The following SORCS2 variants were observed in gnomAD, a reference collection of about 807,000 sequenced individuals.
SORCS2 encodes sortilin related VPS10 domain containing receptor 2.
A neutral mutation model predicts 141.6 loss-of-function variants in SORCS2; 100 were observed. The observed-to-expected ratio is 0.71, with a 90% CI of 0.60 to 0.83. SORCS2 has a LOEUF of 0.83. SORCS2 is among the 40% of genes least tolerant of loss of function. The pLI, the probability that SORCS2 is intolerant of heterozygous loss-of-function variation, is 0.00. For missense variants in SORCS2, 1,646 were observed against 1,560.2 expected (o/e 1.05, Z -0.93); for synonymous variants, 789 against 676.9 (o/e 1.17, Z -2.57).
chr4:7,490,997 T>C (rs1577651362), intron 2 of SORCS2, among the ~76,000 whole-genome samples: 1 of 152,072 alleles, frequency 6.6e-6, no homozygotes, highest in African/African-American at 2.4e-5. Flanking sequence ...GTCTCGCCCC[T>C]CCTCTCTGTC....
intron 3 of SORCS2, among the ~76,000 whole-genome samples, chr4:7,539,680 A>ACCCCCGTTATGGAGGCGCCGC: frequency 7.4e-6 from 1 of 134,300 alleles, no homozygotes; most frequent in East Asian, 2.4e-4. Flanking sequence ...CAAGGCCCCG[A>ACCCCCGTTATGGAGGCGCCGC]CCCCCGTTAT....
chr4:7,416,488 G>A (rs559409153), intron 2 of SORCS2, among the ~76,000 whole-genome samples: 11 of 152,148 alleles, frequency 7.2e-5, no homozygotes, highest in East Asian at 1.9e-4. Context: ...ACTCATGCAC[G>A]CTCACACAGA....
At chr4:7,688,929 C>G (rs1665503411) in intron 10 of SORCS2, among the ~76,000 whole-genome samples, 1 of 152,196 alleles carries the variant, frequency 6.6e-6, no homozygotes, top group Non-Finnish European at 1.5e-5. Context: ...CTCTGTATCT[C>G]AAAGTGAGAG....
intron 9 of SORCS2, among the ~76,000 whole-genome samples, chr4:7,680,461 A>G (rs1413071092): frequency 2.0e-5 from 3 of 152,236 alleles, no homozygotes; most frequent in African/African-American, 7.2e-5. Context: ...CAGGGGCCCC[A>G]TCTGTAGTCA....
At chr4:7,349,140 C>T (rs114922157) in intron 1 of SORCS2, among the ~76,000 whole-genome samples, 473 of 152,202 alleles carry the variant, frequency 3.1e-3, no homozygotes, top group Non-Finnish European at 5.4e-3. Flanking sequence ...TTCATCATTG[C>T]GCAAGGTTTG....
At chr4:7,265,551 G>T (rs1327092451) in intron 1 of SORCS2, among the ~76,000 whole-genome samples, 1 of 152,138 alleles carries the variant, frequency 6.6e-6, no homozygotes, top group African/African-American at 2.4e-5. Context: ...TGCAGGGGTG[G>T]CTCCTGCCTC....
At chr4:7,388,395 G>T (rs1723618162) in intron 1 of SORCS2, among the ~76,000 whole-genome samples, 1 of 152,164 alleles carries the variant, frequency 6.6e-6, no homozygotes, top group African/African-American at 2.4e-5. Flanking sequence ...CCCGCCCGAT[G>T]GGGGAGGGGA....
intron 3 of SORCS2, among the ~76,000 whole-genome samples, chr4:7,609,976 C>T (rs913263444): frequency 6.6e-6 from 1 of 152,170 alleles, no homozygotes; most frequent in Non-Finnish European, 1.5e-5. Flanking sequence ...GGGCGGATAG[C>T]GCCAGTGAAT....
chr4:7,576,259 C>T (rs147530464), intron 3 of SORCS2, among the ~76,000 whole-genome samples: 4 of 152,244 alleles, frequency 2.6e-5, no homozygotes, highest in East Asian at 1.9e-4. Context: ...CATCGGGAGG[C>T]GTGGGTTGGC....
At chr4:7,638,184 G>A in intron 3 of SORCS2, 144 bp from the exon 4 acceptor site, 1 of 1,022,884 alleles carries the variant, frequency 9.8e-7, no homozygotes, top group Non-Finnish European at 1.4e-6. Flanking sequence ...AGGTGAAGGG[G>A]AGAGGCACAC....
At chr4:7,241,784 T>G (rs551215701) in intron 1 of SORCS2, among the ~76,000 whole-genome samples, 18 of 152,308 alleles carry the variant, frequency 1.2e-4, no homozygotes, top group Admixed American at 8.5e-4. Flanking sequence ...TTGCTGAAAG[T>G]GCTGCAGAGC....
At chr4:7,633,249 T>C (rs960326405) in intron 3 of SORCS2, among the ~76,000 whole-genome samples, 3 of 152,084 alleles carry the variant, frequency 2.0e-5, no homozygotes, top group Admixed American at 1.3e-4. Context: ...CTCCGCTAAC[T>C]GGAGACACAC....
rs565825847 is a variant in SORCS2 at position 7,355,677 on chromosome 4, G to C, written c.481-40611G>C. ...AGTTGATGGCAGCTTTGGAGCCTAG[G>C]GTCTGGGCCCCCAGAGCGCATGAAA... On this transcript the variant is annotated intron_variant, in intron 1 of 26. Transcript: ENST00000507866. Among the ~76,000 whole-genome samples the C allele has an allele frequency of 6.6e-5, 10 of 152,280 alleles. 1 individual carries two copies. The East Asian group carries it at 1.9e-3, about 29-fold the overall frequency.
At chr4:7,317,406 A>G (rs1718630025) in intron 1 of SORCS2, among the ~76,000 whole-genome samples, 1 of 152,216 alleles carries the variant, frequency 6.6e-6, no homozygotes, top group Admixed American at 6.5e-5. Flanking sequence ...CAGTGCAGAC[A>G]TGGGTCTTGT....
intron 19 of SORCS2, 27 bp from the exon 20 acceptor site, chr4:7,725,127 A>T (rs993523672): frequency 6.2e-7 from 1 of 1,608,860 alleles, no homozygotes. Context: ...GATATCATCT[A>T]ACCCTGGCCT....
intron 2 of SORCS2, among the ~76,000 whole-genome samples, chr4:7,502,652 G>A (rs1188154583): frequency 6.6e-6 from 1 of 152,188 alleles, no homozygotes; most frequent in Non-Finnish European, 1.5e-5. Context: ...AGGAGTACAC[G>A]TGAGATGCAG....
chr4:7,602,766 G>A (rs1481900366), intron 3 of SORCS2, among the ~76,000 whole-genome samples: 1 of 152,206 alleles, frequency 6.6e-6, no homozygotes, highest in African/African-American at 2.4e-5. Context: ...TGGCGGCCGG[G>A]CAGAGGCTGC....
chr4:7,628,113 G>A (rs1440809612), intron 3 of SORCS2, among the ~76,000 whole-genome samples: 2 of 152,248 alleles, frequency 1.3e-5, no homozygotes, highest in African/African-American at 4.8e-5. Context: ...GGAGGCGGGG[G>A]TGTGTGGTCT....
chr4:7,216,770 T>C (rs1192132562), intron 1 of SORCS2, among the ~76,000 whole-genome samples: 1 of 152,100 alleles, frequency 6.6e-6, no homozygotes, highest in Non-Finnish European at 1.5e-5. Flanking sequence ...CCTGCAACGT[T>C]TCTACAAGGG....
Sources: allele counts gnomAD v4.1 joint callset (sites outside exome capture counted in the v4.1 genomes callset), GRCh38; gene constraint gnomAD v4.1.1; transcripts MANE v1.5; gene names NCBI Gene and HGNC (gene_info 2026-07-23, HGNC 2026-07-21).